The following DENND3 variants were observed in gnomAD, a reference collection of about 807,000 sequenced individuals.
DENND3 encodes the protein DENN domain containing 3.
A neutral mutation model predicts 135.1 loss-of-function variants in DENND3; 88 were observed. The ratio of observed to expected loss-of-function variants is 0.65; its 90% CI spans 0.55 to 0.78. The LOEUF is 0.78. DENND3 is among the 30% of genes least tolerant of loss of function. The pLI is 0.00. For missense variants in DENND3, 1,392 were observed against 1,688.4 expected, an observed-to-expected ratio of 0.82 and a Z score of 3.08; for synonymous variants, 693 against 712.3, an observed-to-expected ratio of 0.97 and a Z score of 0.43.
At chr8:141,169,188 G>A (rs1821181605) in intron 13 of DENND3, among the ~76,000 whole-genome samples, 1 of 152,238 alleles carries the variant, frequency 6.6e-6, no homozygotes, top group South Asian at 2.1e-4. Flanking sequence ...AACGACAGTG[G>A]TCAGGTAACA....
chr8:141,145,824 TATATATATATATATATATATATA>T (rs1394210300), intron 5 of DENND3, among the ~76,000 whole-genome samples: 2,224 of 40,340 alleles, frequency 0.055, 122 homozygotes, highest in African/African-American at 0.15. Context: ...TATATATATA[TATATATATATATATATATATATA>T]TATGTATTTT....
At chr8:141,129,129 C>A (rs1370255406) in intron 1 of DENND3, among the ~76,000 whole-genome samples, 1 of 152,222 alleles carries the variant, frequency 6.6e-6, no homozygotes, top group Non-Finnish European at 1.5e-5. Context: ...CGGAGAGTCT[C>A]TGGGGCCTCT....
chr8:141,177,728 G>C (rs1469411372), intron 15 of DENND3: 1 of 223,072 alleles, frequency 4.5e-6, no homozygotes, highest in Non-Finnish European at 9.0e-6. Flanking sequence ...TTGGAACACA[G>C]TCCTGCCTGT....
At chr8:141,153,811 C>T (rs1819109652) in intron 7 of DENND3, among the ~76,000 whole-genome samples, 2 of 152,342 alleles carry the variant, frequency 1.3e-5, no homozygotes, top group Admixed American at 6.5e-5. Context: ...GTGTTTCAGG[C>T]TCTTTTAGGA....
chr8:141,179,422 C>T lies in DENND3; in HGVS notation c.2836+1226C>T, dbSNP rs150559131. ...AGCCTTCTAACGCCTCTGTTATCAG[C>T]GCATGACGGCAGACGAGGAGCCGCC... On this transcript the variant is annotated intron_variant, in intron 16 of 22. Coordinates refer to ENST00000519811, the MANE Select transcript of DENND3 (RefSeq NM_001352890.3). Among the ~76,000 whole-genome samples, 720 of 152,338 alleles carry T rather than the reference C, an allele frequency of 4.7e-3. 5 individuals carry two copies. Among genetic ancestry groups the T allele is most frequent in the African/African-American group, 0.017 (692 of 41,570 alleles).
At chr8:141,170,820 CCTT>C (rs1431372451) in intron 13 of DENND3, among the ~76,000 whole-genome samples, 1 of 152,228 alleles carries the variant, frequency 6.6e-6, no homozygotes, top group Admixed American at 6.5e-5. Context: ...AGCGCCAGCT[CCTT>C]CTGTCACTCC....
chr8:141,158,869 C>T (rs772764023), intron 8 of DENND3, among the ~76,000 whole-genome samples: 9 of 152,270 alleles, frequency 5.9e-5, no homozygotes, highest in South Asian at 4.1e-4. Context: ...CATGGGGTTC[C>T]GGGAGAGGGG....
At chr8:141,158,836 G>T (rs558552163) in intron 8 of DENND3, among the ~76,000 whole-genome samples, 1 of 152,186 alleles carries the variant, frequency 6.6e-6, no homozygotes, top group Non-Finnish European at 1.5e-5. Flanking sequence ...GGCTATGCTG[G>T]CTGCGTGCTT....
intron 6 of DENND3, 96 bp from the exon 7 acceptor site, chr8:141,151,523 T>C: frequency 3.4e-6 from 4 of 1,180,812 alleles, no homozygotes; most frequent in Non-Finnish European, 4.9e-6. Context: ...ATCACACCAC[T>C]GCACTCCAGC....
Position 141,148,497 on chromosome 8 carries a change from T to C in DENND3, c.736-2337T>C, listed in dbSNP as rs191686606. 2.2e-4 allele frequency among the ~76,000 whole-genome samples: 33 copies of C among 152,032 alleles called. No homozygotes were observed. In the East Asian group the frequency reaches 5.8e-3, roughly 27 times the overall value. ...TGCAAAATCTCACACACACACACAT[T>C]CTTCTCTTGTACCGTATCTGAGTCA... is the stretch of plus-strand genomic sequence containing the variant. On this transcript the variant is annotated intron_variant, in intron 5 of 22. Transcript: ENST00000519811.
chr8:141,176,787 C>T, intron 15 of DENND3, 26 bp downstream of exon 15: 1 of 1,604,166 alleles, frequency 6.2e-7, no homozygotes, highest in Non-Finnish European at 8.5e-7. Context: ...CCCCTCTGCC[C>T]TTTGCTGTGG....
At position 141,175,395 on chromosome 8, in the gene DENND3, G is replaced by A. The variant is rs768943418; in HGVS notation, c.2471G>A (p.Arg824His). Reference sequence around the variant, plus strand: ...GGCAAGATCGCCATGACCCAGAAGCGCCTGTTCCTCCTAACCGAAGGAAGG... The same window carrying A: ...GGCAAGATCGCCATGACCCAGAAGCACCTGTTCCTCCTAACCGAAGGAAGG... ...GVGKIAMTQK[R>H]LFLLTEGRPG... The change falls in exon 14 of 23, where the codon CGC (arginine) becomes CAC (histidine). Residue 824 changes from arginine (R) to histidine (H), a missense_variant. Coordinates refer to ENST00000519811, the MANE Select transcript of DENND3 (RefSeq NM_001352890.3). This position sits in a 1 kb window ranked among gnomAD's most constrained non-coding sequence, Gnocchi z 5.4. 5.6e-6 allele frequency: 9 copies of A among 1,614,144 alleles called. No homozygotes were observed. Among genetic ancestry groups the A allele is most frequent in the Middle Eastern group, 1.6e-4 (1 of 6,062 alleles).
At chr8:141,192,036 A>G in intron 20 of DENND3, 1 of 320,758 alleles carries the variant, frequency 3.1e-6, no homozygotes. Flanking sequence ...CCAATAATAC[A>G]TTCTTTAAGA....
At chr8:141,177,390 A>G (rs919449360) in intron 15 of DENND3, 2 of 152,782 alleles carry the variant, frequency 1.3e-5, no homozygotes, top group Non-Finnish European at 2.9e-5. Context: ...AAGACCATGA[A>G]CGCGGAACTC....
At position 141,154,650 on chromosome 8, in the gene DENND3, C is replaced by T. The variant is rs1293727159; in HGVS notation, c.1075-1199C>T. ...CGATCTCAGCTCACTGCAACCTCCG[C>T]CTCCTGGGTTCAAGCGATTCTCCTG... is the stretch of plus-strand genomic sequence containing the variant. On this transcript the variant is annotated intron_variant, in intron 7 of 22. Transcript: ENST00000519811. The surrounding 1 kb of genome is among the most constrained non-coding windows in gnomAD (Gnocchi z 4.4). Among the ~76,000 whole-genome samples the T allele has an allele frequency of 1.3e-5, 2 of 151,948 alleles. No homozygotes were observed. The highest frequency in any genetic ancestry group is 1.3e-4 in the Admixed American group (2 of 15,268).
At chr8:141,185,863 C>T (rs962735883) in intron 18 of DENND3, among the ~76,000 whole-genome samples, 7 of 151,658 alleles carry the variant, frequency 4.6e-5, no homozygotes, top group African/African-American at 1.7e-4. Flanking sequence ...TAATAAAAAT[C>T]GACGTCAGTT....
rs998903017 is a variant in DENND3 at position 141,194,376 on chromosome 8, G to A, written c.*143G>A. ...ATGGAGCCCACTTACCGTGTGGCCAGCCGCGAGACCCATGGCCACGCACCT... is the reference window on the plus strand; with the variant it reads ...ATGGAGCCCACTTACCGTGTGGCCAACCGCGAGACCCATGGCCACGCACCT... On this transcript the variant is annotated 3_prime_UTR_variant, in exon 23 of 23. Transcript: ENST00000519811. 2.0e-6 allele frequency: 2 copies of A among 986,910 alleles called. No individual in the cohort carries two copies. Among genetic ancestry groups the A allele is most frequent in the Non-Finnish European group, 3.0e-6 (2 of 676,014 alleles). 61.1% of individuals were successfully genotyped at this position (986,910 alleles called of 1,614,324 possible).
chr8:141,128,724 C>T lies in DENND3; in HGVS notation c.17C>T (p.Ser6Leu). Residue 6 changes from serine (S) to leucine (L), a missense_variant, in exon 1 of 23, where the codon TCG becomes TTG. Coordinates refer to ENST00000519811, the MANE Select transcript of DENND3 (RefSeq NM_001352890.3). The surrounding 1 kb of genome is among the most constrained non-coding windows in gnomAD (Gnocchi z 4.5). The stretch of plus-strand genomic sequence containing the variant: ...CGGGCAGCCATGGCGGAGGCCGCGT[C>T]GCCGCACTTGTCGCTGCCCTCGGGG... MAEAA[S>L]PHLSLPSGLL... The T allele has an allele frequency of 1.0e-5, 15 of 1,431,642 alleles. No individual in the cohort carries two copies. Among genetic ancestry groups the T allele is most frequent in the Non-Finnish European group, 1.3e-5 (14 of 1,094,236 alleles). 88.7% of individuals were successfully genotyped at this position (1,431,642 alleles called of 1,614,324 possible).
intron 10 of DENND3, among the ~76,000 whole-genome samples, chr8:141,163,767 G>A (rs1436041251): frequency 6.6e-6 from 1 of 151,956 alleles, no homozygotes; most frequent in African/African-American, 2.4e-5. Flanking sequence ...AATTAGCTGG[G>A]TGTGGTAGTG....
Sources: allele counts gnomAD v4.1 joint callset (sites outside exome capture counted in the v4.1 genomes callset), GRCh38; gene constraint gnomAD v4.1.1; non-coding constraint Gnocchi (gnomAD v3.1); transcripts MANE v1.5; gene names NCBI Gene and HGNC (gene_info 2026-07-23, HGNC 2026-07-21).